LURAP1: variants seen among roughly 807,000 people sequenced by gnomAD.
LURAP1 encodes NF-kappa-B activator C1orf190.
Under a neutral mutation model 19.0 loss-of-function variants are expected in LURAP1, and 14 were observed. The observed-to-expected ratio is 0.74, with a 90% confidence interval of 0.49 to 1.15. The LOEUF (loss-of-function observed/expected upper bound fraction) is 1.15. Ranked by LOEUF, LURAP1 falls within the 50% of genes most tolerant of loss-of-function variation. The pLI is 0.00. For synonymous variants in LURAP1, 129 were observed against 131.8 expected (o/e 0.98, Z 0.14); for missense variants, 273 against 309.1 (o/e 0.88, Z 0.87).
At chr1:46,213,357 A>T (rs1449591032) in intron 1 of LURAP1, among the ~76,000 whole-genome samples, 1 of 86,096 alleles carries the variant, frequency 1.2e-5, no homozygotes, top group East Asian at 5.7e-4. Context: ...CCATATTTTA[A>T]AAAGTATATA....
intron 1 of LURAP1, 138 bp from the exon 2 acceptor site, chr1:46,219,561 C>T: frequency 1.1e-6 from 1 of 881,246 alleles, no homozygotes; most frequent in Non-Finnish European, 1.7e-6. Flanking sequence ...GCTTCTGAAG[C>T]CTACACTGCA....
rs538677981 is a variant in LURAP1, at chr1:46,211,611, T to G, written c.198+7987T>G. The stretch of plus-strand genomic sequence containing the variant: ...CATGTTAATATGTTCCTTCGATGTC[T>G]CATGACAAACCTTTAGATAGTACCT... On this transcript the variant is annotated intron_variant, in intron 1 of 1. Coordinates refer to ENST00000371980, the MANE Select transcript of LURAP1 (RefSeq NM_001013615.3). Among the ~76,000 whole-genome samples the G allele has an allele frequency of 2.6e-5, 4 of 152,192 alleles. No homozygotes were observed. In the South Asian group the frequency reaches 8.3e-4, roughly 32 times the overall value.
intron 1 of LURAP1, among the ~76,000 whole-genome samples, chr1:46,210,797 C>A (rs1658869934): frequency 6.6e-6 from 1 of 152,038 alleles, no homozygotes; most frequent in East Asian, 1.9e-4. Context: ...TTTTTTGAGA[C>A]AAGGTCTGGT....
At chr1:46,211,049 G>T (rs1231797715) in intron 1 of LURAP1, among the ~76,000 whole-genome samples, 2 of 151,810 alleles carry the variant, frequency 1.3e-5, no homozygotes, top group Non-Finnish European at 2.9e-5. Context: ...TAGAGTGTTG[G>T]GATTACAGGC....
intron 1 of LURAP1, among the ~76,000 whole-genome samples, chr1:46,208,268 C>T (rs1658783045): frequency 6.6e-6 from 1 of 152,146 alleles, no homozygotes; most frequent in Non-Finnish European, 1.5e-5. Context: ...TCTGGGATTG[C>T]AGGCTGAGCC....
chr1:46,216,316 G>A (rs988677203), intron 1 of LURAP1, among the ~76,000 whole-genome samples: 1 of 151,748 alleles, frequency 6.6e-6, no homozygotes, highest in Non-Finnish European at 1.5e-5. Flanking sequence ...AAAGTGCTGG[G>A]ATTACAGGCA....
In LURAP1 at chr1:46,219,708, C is replaced by T. The variant is rs368611590; in HGVS notation, c.208C>T (p.Arg70Ter). ...TCTCCCACTCCCCCAGGCTTACCTG[C>T]GAGCCATCGATGTGAAGATCCTGCA... ...MALKMELAYL[R>*]AIDVKILQQL... is the part of the protein sequence containing the mutation. The change falls in exon 2 of 2, where the codon CGA (arginine) becomes TGA (stop). Residue 70 changes from arginine to a stop codon, truncating the protein, a stop_gained. Transcript: ENST00000371980. LOFTEE classifies it high-confidence loss of function. 11 of 1,588,194 alleles carry T rather than the reference C, an allele frequency of 6.9e-6. No homozygotes were observed. The highest frequency in any genetic ancestry group is 2.2e-5 in the East Asian group (1 of 44,644).
intron 1 of LURAP1, among the ~76,000 whole-genome samples, chr1:46,216,990 G>GTT (rs1659090305): frequency 6.6e-6 from 1 of 152,162 alleles, no homozygotes; most frequent in African/African-American, 2.4e-5. Context: ...TTATGGATGT[G>GTT]TAATAACATT....
chr1:46,216,341 C>T (rs955371881), intron 1 of LURAP1, among the ~76,000 whole-genome samples: 4 of 151,538 alleles, frequency 2.6e-5, no homozygotes, highest in Admixed American at 1.3e-4. Context: ...CCACCACGCT[C>T]GGCCCTATTT....
chr1:46,211,856 G>A (rs1021886075), intron 1 of LURAP1, among the ~76,000 whole-genome samples: 3 of 150,848 alleles, frequency 2.0e-5, no homozygotes, highest in Admixed American at 1.3e-4. Context: ...CCTCTGCCTC[G>A]GTTCAAGTGA....
At chr1:46,211,968 G>A (rs1658910977) in intron 1 of LURAP1, among the ~76,000 whole-genome samples, 3 of 151,974 alleles carry the variant, frequency 2.0e-5, no homozygotes, top group Admixed American at 2.0e-4. Context: ...CACCATGTTG[G>A]CCAGGCTGGT....
Position 46,203,502 on chromosome 1 carries a change from G to C in LURAP1, c.76G>C (p.Gly26Arg). ...EGKVGRKTPE[G>R]LLRGLRGECE... Reference sequence around the variant, plus strand: ...TAAGGTGGGCAGGAAGACCCCTGAAGGGCTGCTCCGCGGGCTGCGAGGCGA... The same window carrying C: ...TAAGGTGGGCAGGAAGACCCCTGAACGGCTGCTCCGCGGGCTGCGAGGCGA... Residue 26 changes from glycine (G) to arginine (R), a missense_variant, in exon 1 of 2, where the codon GGG becomes CGG. Gly to Arg is a moderately radical substitution (Grantham distance 125, BLOSUM62 -2). Transcript: ENST00000371980. 1.3e-6 allele frequency: 2 copies of C among 1,557,882 alleles called. No homozygotes were observed. The highest frequency in any genetic ancestry group is 1.7e-6 in the Non-Finnish European group (2 of 1,154,062).
At chr1:46,210,088 G>A (rs1287666736) in intron 1 of LURAP1, among the ~76,000 whole-genome samples, 1 of 152,124 alleles carries the variant, frequency 6.6e-6, no homozygotes, top group Non-Finnish European at 1.5e-5. Context: ...GAGACTGCAA[G>A]CTTCTATTAA....
chr1:46,207,629 C>T (rs1658761950), intron 1 of LURAP1, among the ~76,000 whole-genome samples: 1 of 150,972 alleles, frequency 6.6e-6, no homozygotes, highest in South Asian at 2.1e-4. Context: ...AGCTCCGCCT[C>T]CTGGGTTCAG....
intron 1 of LURAP1, among the ~76,000 whole-genome samples, chr1:46,207,777 A>G (rs1366416927): frequency 6.7e-6 from 1 of 150,230 alleles, no homozygotes; most frequent in African/African-American, 2.5e-5. Context: ...TGACCTCGTG[A>G]TCTGCCTGCC....
At chr1:46,214,886 AAG>A (rs1553165671) in intron 1 of LURAP1, among the ~76,000 whole-genome samples, 7 of 151,064 alleles carry the variant, frequency 4.6e-5, no homozygotes, top group African/African-American at 1.2e-4. Context: ...AAAAAAAAAA[AAG>A]AGGAGTTGAT....
At position 46,215,210 on chromosome 1, in the gene LURAP1, A is replaced by G. The variant is rs1456168835; in HGVS notation, c.199-4489A>G. 2.7e-5 allele frequency among the ~76,000 whole-genome samples: 4 copies of G among 148,928 alleles called. No homozygotes were observed. The Admixed American group carries it at 2.7e-4, about 10-fold the overall frequency. Reference sequence around the variant, plus strand: ...CATTGCACTCTAGCCTGGGCGACACAACAAAACTCTGTCTCAAAAAAAAAA... The same window carrying G: ...CATTGCACTCTAGCCTGGGCGACACGACAAAACTCTGTCTCAAAAAAAAAA... On this transcript the variant is annotated intron_variant, in intron 1 of 1. Coordinates refer to ENST00000371980, the MANE Select transcript of LURAP1 (RefSeq NM_001013615.3).
chr1:46,217,838 C>T (rs1345879722), intron 1 of LURAP1, among the ~76,000 whole-genome samples: 6 of 151,886 alleles, frequency 4.0e-5, no homozygotes, highest in African/African-American at 1.5e-4. Flanking sequence ...GCCTGGGCAA[C>T]AAGAGAGAAA....
At chr1:46,218,264 T>C (rs916582585) in intron 1 of LURAP1, among the ~76,000 whole-genome samples, 8 of 152,170 alleles carry the variant, frequency 5.3e-5, no homozygotes, top group Non-Finnish European at 1.2e-4. Flanking sequence ...TGCACGCCTG[T>C]GGTCTTAGCT....
Sources: gnomAD v4.1 joint callset for allele counts (sites outside exome capture counted in the v4.1 genomes callset) on GRCh38, gnomAD v4.1.1 for gene constraint, MANE v1.5 for transcripts, NCBI Gene and HGNC (gene_info 2026-07-23, HGNC 2026-07-21) for gene names.